The following DNAH14 variants were observed in gnomAD, a reference collection of about 807,000 sequenced individuals.
The protein encoded by DNAH14 is axonemal beta dynein heavy chain 14.
In DNAH14, 478 loss-of-function variants were observed where a neutral mutation model predicts 520.9. The observed-to-expected ratio is 0.92, with a 90% CI of 0.85 to 0.99. The LOEUF (loss-of-function observed/expected upper bound fraction) is 0.99. DNAH14 is among the 50% of genes least tolerant of loss of function. The pLI, the probability that DNAH14 is intolerant of heterozygous loss-of-function variation, is 0.00. For synonymous variants in DNAH14, 1,581 were observed against 1,757.2 expected (o/e 0.90, Z 2.51); for missense variants, 4,831 against 5,234.5 (o/e 0.92, Z 2.38).
intron 17 of DNAH14, among the ~76,000 whole-genome samples, chr1:225,059,188 T>C (rs2069619978): frequency 6.6e-6 from 1 of 152,212 alleles, no homozygotes; most frequent in Non-Finnish European, 1.5e-5. Flanking sequence ...TCCAAGGACT[T>C]GCTTTATGAA....
chr1:225,290,288 G>GT (rs2093838099), intron 55 of DNAH14, among the ~76,000 whole-genome samples: 1 of 151,880 alleles, frequency 6.6e-6, no homozygotes, highest in South Asian at 2.1e-4. Flanking sequence ...GCCATAGGTA[G>GT]TTATGAATAA....
chr1:225,150,272 G>C (rs2080366147), intron 31 of DNAH14, among the ~76,000 whole-genome samples: 3 of 152,178 alleles, frequency 2.0e-5, no homozygotes, highest in Admixed American at 2.0e-4. Context: ...TAAGGTTTTT[G>C]ATGTGCTGCT....
At chr1:225,391,916 T>A (rs546466758) in intron 83 of DNAH14, among the ~76,000 whole-genome samples, 2 of 152,150 alleles carry the variant, frequency 1.3e-5, no homozygotes, top group Non-Finnish European at 2.9e-5. Flanking sequence ...CTGACACACT[T>A]GGTCTTGTAC....
intron 17 of DNAH14, among the ~76,000 whole-genome samples, chr1:225,054,469 A>G (rs1422809805): frequency 6.6e-6 from 1 of 152,208 alleles, no homozygotes; most frequent in Non-Finnish European, 1.5e-5. Flanking sequence ...TTATTTCATT[A>G]TAATACTGTC....
At chr1:225,113,092 G>A (rs917003683) in intron 23 of DNAH14, among the ~76,000 whole-genome samples, 1 of 152,012 alleles carries the variant, frequency 6.6e-6, no homozygotes, top group African/African-American at 2.4e-5. Context: ...TTTGCAGTCT[G>A]GGCTTGTTTG....
chr1:225,145,489 G>A (rs1235968924), intron 30 of DNAH14, 110 bp downstream of exon 30: 60 of 840,952 alleles, frequency 7.1e-5, no homozygotes, highest in Non-Finnish European at 2.2e-5. Flanking sequence ...CAAACATCAA[G>A]TATTAACAGA....
chr1:225,246,413 A>G (rs1485693279), intron 43 of DNAH14, among the ~76,000 whole-genome samples: 1 of 152,220 alleles, frequency 6.6e-6, no homozygotes, highest in East Asian at 1.9e-4. Flanking sequence ...TCTGCACAGC[A>G]AAAGAAACTA....
intron 55 of DNAH14, 130 bp from the exon 56 acceptor site, chr1:225,300,739 T>TAA (rs539784290): frequency 2.5e-5 from 20 of 798,000 alleles, no homozygotes; most frequent in South Asian, 4.3e-5. Flanking sequence ...AGATTAGCTT[T>TAA]AAAAAAAAAA....
At position 225,335,465 on chromosome 1, in the gene DNAH14, A is replaced by G. The variant is rs562646967; in HGVS notation, c.10081-1801A>G. Among the ~76,000 whole-genome samples the G allele has an allele frequency of 6.4e-3, 798 of 125,338 alleles. 146 individuals carry two copies. The highest frequency in any genetic ancestry group is 9.6e-3 in the Non-Finnish European group (554 of 57,950). 82.2% of individuals were successfully genotyped at this position (125,338 alleles called of 152,430 possible). ...TGTGTATGCACATATGCACGTGTGT[A>G]CATGTGTGTGTATGCACATATACAC... On this transcript the variant is annotated intron_variant, in intron 66 of 85. Transcript: ENST00000682510.
chr1:225,151,869 A>G, intron 31 of DNAH14, 136 bp from the exon 32 acceptor site: 1 of 794,704 alleles, frequency 1.3e-6, no homozygotes, highest in African/African-American at 1.7e-5. Flanking sequence ...TTCTCTCACC[A>G]TTGTTTTTTC....
chr1:225,360,333 T>C (rs1298190978), intron 74 of DNAH14, among the ~76,000 whole-genome samples: 1 of 152,220 alleles, frequency 6.6e-6, no homozygotes, highest in Non-Finnish European at 1.5e-5. Context: ...CCAAAATCTA[T>C]CACAAAACCT....
At chr1:225,251,542 T>C (rs1223898493) in intron 43 of DNAH14, among the ~76,000 whole-genome samples, 1 of 152,136 alleles carries the variant, frequency 6.6e-6, no homozygotes, top group East Asian at 1.9e-4. Context: ...AAAGAGTTCT[T>C]ATGTACAACA....
intron 10 of DNAH14, among the ~76,000 whole-genome samples, chr1:225,011,024 T>C (rs2064680553): frequency 6.6e-6 from 1 of 150,978 alleles, no homozygotes; most frequent in Non-Finnish European, 1.5e-5. Flanking sequence ...CTATCCATTT[T>C]GTTAATCTCT....
At chr1:225,065,984 T>A (rs966933576) in intron 17 of DNAH14, among the ~76,000 whole-genome samples, 4 of 152,070 alleles carry the variant, frequency 2.6e-5, no homozygotes. Flanking sequence ...CAAACAACAG[T>A]GTTCAACTGT....
intron 78 of DNAH14, among the ~76,000 whole-genome samples, chr1:225,376,431 A>C (rs142964033): frequency 1.8e-4 from 27 of 152,208 alleles, no homozygotes; most frequent in African/African-American, 5.8e-4. Context: ...CATCTCAAAA[A>C]AGAAAAAAAA....
intron 8 of DNAH14, among the ~76,000 whole-genome samples, chr1:224,995,701 A>G (rs527775674): frequency 1.3e-5 from 2 of 151,996 alleles, no homozygotes; most frequent in African/African-American, 2.4e-5. Context: ...ACAGTGTTCT[A>G]TAATTCATGT....
chr1:225,031,593 T>G (rs1345918428), intron 11 of DNAH14, among the ~76,000 whole-genome samples: 1 of 151,976 alleles, frequency 6.6e-6, no homozygotes, highest in Non-Finnish European at 1.5e-5. Flanking sequence ...ATTAAAAGAA[T>G]AAAAAAATCG....
intron 34 of DNAH14, among the ~76,000 whole-genome samples, chr1:225,156,680 A>G (rs2081070353): frequency 1.4e-5 from 2 of 143,506 alleles, no homozygotes; most frequent in Admixed American, 1.4e-4. Context: ...TTACATCTGG[A>G]TACTCTAGGA....
At chr1:225,381,840 G>A (rs137972165) in intron 81 of DNAH14, among the ~76,000 whole-genome samples, 3 of 152,282 alleles carry the variant, frequency 2.0e-5, no homozygotes, top group African/African-American at 7.2e-5. Context: ...CAAAGTAGGT[G>A]CACTCTTGGT....
Sources: gnomAD v4.1 joint callset for allele counts (sites outside exome capture counted in the v4.1 genomes callset) on GRCh38, gnomAD v4.1.1 for gene constraint, MANE v1.5 for transcripts, NCBI Gene and HGNC (gene_info 2026-07-23, HGNC 2026-07-21) for gene names.